Variants in PTCHD4 observed in about 807,000 individuals in gnomAD.
The protein encoded by PTCHD4 is patched domain-containing protein 4.
In PTCHD4, 33 loss-of-function variants were observed where a neutral mutation model predicts 58.1. The ratio of observed to expected loss-of-function variants is 0.57; its 90% CI spans 0.43 to 0.76. The LOEUF is 0.76. Among genes scored for constraint, PTCHD4 ranks in the 30% least tolerant of loss-of-function variants. The pLI is 0.00. For synonymous variants in PTCHD4, 478 were observed against 409.6 expected (o/e 1.17, Z -2.02); for missense variants, 1,058 against 1,027.1 (o/e 1.03, Z -0.41).
intron 4 of PTCHD4, among the ~76,000 whole-genome samples, chr6:47,909,560 A>G (rs543998353): frequency 1.3e-5 from 2 of 152,044 alleles, no homozygotes; most frequent in African/African-American, 4.8e-5. Flanking sequence ...CGGTCCTTCT[A>G]TCTTGGCCTC....
intron 3 of PTCHD4, among the ~76,000 whole-genome samples, chr6:48,027,903 A>G (rs1763301220): frequency 6.6e-6 from 1 of 152,084 alleles, no homozygotes; most frequent in Admixed American, 6.6e-5. Context: ...TAACGTATAT[A>G]AAAAGCAGGC....
intron 4 of PTCHD4, among the ~76,000 whole-genome samples, chr6:47,999,805 C>G (rs1251728646): frequency 6.6e-6 from 1 of 152,102 alleles, no homozygotes; most frequent in Non-Finnish European, 1.5e-5. Flanking sequence ...CAGACTCCAA[C>G]CTAAAACAAT....
intron 3 of PTCHD4, among the ~76,000 whole-genome samples, chr6:48,033,038 A>G (rs539493966): frequency 1.6e-3 from 240 of 152,162 alleles, no homozygotes; most frequent in African/African-American, 5.7e-3. Context: ...TATTTTTTTT[A>G]GAATTGTGTG....
intron 3 of PTCHD4, among the ~76,000 whole-genome samples, chr6:48,039,427 C>T (rs573980268): frequency 7.9e-5 from 12 of 152,112 alleles, no homozygotes; most frequent in Middle Eastern, 6.8e-3. Context: ...AGTCATACTT[C>T]CTTGGTTATT....
chr6:48,029,716 C>A (rs181119894), intron 3 of PTCHD4, among the ~76,000 whole-genome samples: 1 of 152,082 alleles, frequency 6.6e-6, no homozygotes, highest in East Asian at 1.9e-4. Flanking sequence ...CAGTTATTTG[C>A]ATAAGTTCAA....
At chr6:48,046,392 T>C (rs1764039459) in intron 3 of PTCHD4, among the ~76,000 whole-genome samples, 1 of 151,844 alleles carries the variant, frequency 6.6e-6, no homozygotes, top group African/African-American at 2.4e-5. Flanking sequence ...CAGTCTCCTC[T>C]TAATAGGATT....
intron 3 of PTCHD4, among the ~76,000 whole-genome samples, chr6:48,032,354 C>T (rs997667942): frequency 1.3e-5 from 2 of 152,024 alleles, no homozygotes; most frequent in Non-Finnish European, 2.9e-5. Context: ...TTATTCAAGG[C>T]CACATGAGTC....
At chr6:48,044,438 C>T (rs529297470) in intron 3 of PTCHD4, among the ~76,000 whole-genome samples, 1 of 151,972 alleles carries the variant, frequency 6.6e-6, no homozygotes, top group South Asian at 2.1e-4. Context: ...AGAAAGAAAA[C>T]AGATTTACAG....
chr6:47,920,703 G>T (rs1765403752), intron 4 of PTCHD4, among the ~76,000 whole-genome samples: 1 of 152,086 alleles, frequency 6.6e-6, no homozygotes, highest in South Asian at 2.1e-4. Flanking sequence ...AATTATATTA[G>T]AGAAGAATAT....
At chr6:48,063,258 A>G (rs1764693102) in intron 3 of PTCHD4, among the ~76,000 whole-genome samples, 1 of 152,148 alleles carries the variant, frequency 6.6e-6, no homozygotes, top group African/African-American at 2.4e-5. Flanking sequence ...CCAGTGAAGA[A>G]TTTGCTAAAC....
intron 4 of PTCHD4, among the ~76,000 whole-genome samples, chr6:47,959,823 C>T (rs368957077): frequency 1.7e-4 from 25 of 144,820 alleles, no homozygotes; most frequent in Middle Eastern, 3.8e-3. Flanking sequence ...ATATCAAAGA[C>T]GAAGAGGAAA....
Position 47,878,910 on chromosome 6 carries a change from G to C in PTCHD4, c.1925C>G (p.Pro642Arg). The part of the protein sequence containing the change: ...SKSIRFIVFN[P>R]SFVFMDHYSL... ...GTAATGGTCCATGAAGACAAAGGAG[G>C]GGTTGAACACGATGAATCGGATGCT... Residue 642 changes from proline to arginine, a missense_variant, in exon 5 of 5, where the codon CCC becomes CGC. Pro to Arg is a moderately radical substitution (Grantham distance 103). Coordinates refer to ENST00000339488, the MANE Select transcript of PTCHD4 (RefSeq NM_001384253.1). 6.2e-7 allele frequency: 1 copy of C among 1,613,464 alleles called. No homozygotes were observed. Among genetic ancestry groups the C allele is most frequent in the South Asian group, 1.1e-5 (1 of 91,076 alleles).
intron 4 of PTCHD4, among the ~76,000 whole-genome samples, chr6:47,919,726 G>T (rs1006274413): frequency 1.3e-5 from 2 of 152,068 alleles, no homozygotes; most frequent in Non-Finnish European, 2.9e-5. Flanking sequence ...ACAGGGCAGT[G>T]TTAGGCTGTG....
At chr6:47,880,997 C>T (rs985179155) in intron 4 of PTCHD4, among the ~76,000 whole-genome samples, 1 of 152,136 alleles carries the variant, frequency 6.6e-6, no homozygotes, top group Non-Finnish European at 1.5e-5. Context: ...TGGAAATCTT[C>T]ATAGATCACT....
intron 3 of PTCHD4, among the ~76,000 whole-genome samples, chr6:48,018,427 A>G (rs555888380): frequency 3.9e-4 from 59 of 152,356 alleles, no homozygotes; most frequent in Admixed American, 1.3e-3. Flanking sequence ...ATAAAAAGGA[A>G]GGGAAAACAC....
At chr6:47,932,384 A>T (rs1765853739) in intron 4 of PTCHD4, among the ~76,000 whole-genome samples, 1 of 152,216 alleles carries the variant, frequency 6.6e-6, no homozygotes, top group East Asian at 1.9e-4. Context: ...TGGGGGCTAG[A>T]GGTGGAAAAA....
At position 48,068,537 on chromosome 6, in the gene PTCHD4, C is replaced by T. The variant is rs777537625; in HGVS notation, c.110G>A (p.Arg37Gln). Residue 37 changes from arginine (R) to glutamine (Q), a missense_variant, in exon 3 of 5, where the codon CGG (arginine) becomes CAG (glutamine). Physicochemically the swap from Arg to Gln is conservative, Grantham distance 43 (BLOSUM62 1). Coordinates refer to ENST00000339488, the MANE Select transcript of PTCHD4 (RefSeq NM_001384253.1). The surrounding 1 kb of genome is among the most constrained non-coding windows in gnomAD (Gnocchi z 4.2). ...CACGGTGAGGAAAAAGACCGGGTGCCGGCTCACGCACAAACCCAGCCTGTG... is the reference window on the plus strand; with the variant it reads ...CACGGTGAGGAAAAAGACCGGGTGCTGGCTCACGCACAAACCCAGCCTGTG... ...FCHRLGLCVS[R>Q]HPVFFLTVPA... The T allele has an allele frequency of 6.2e-7, 1 of 1,609,272 alleles. No homozygotes were observed. The highest frequency in any genetic ancestry group is 8.5e-7 in the Non-Finnish European group (1 of 1,179,124).
intron 4 of PTCHD4, among the ~76,000 whole-genome samples, chr6:47,881,188 G>A (rs1326275392): frequency 6.6e-6 from 1 of 152,138 alleles, no homozygotes; most frequent in Non-Finnish European, 1.5e-5. Context: ...ATTGGAGTTA[G>A]GTGTTACAAA....
At chr6:47,941,078 A>G (rs1162883664) in intron 4 of PTCHD4, among the ~76,000 whole-genome samples, 2 of 152,160 alleles carry the variant, frequency 1.3e-5, no homozygotes, top group Non-Finnish European at 2.9e-5. Flanking sequence ...ACTGTTGGCA[A>G]CTCAGCCCGC....
Sources: gnomAD v4.1 joint callset for allele counts (sites outside exome capture counted in the v4.1 genomes callset) on GRCh38, gnomAD v4.1.1 for gene constraint, Gnocchi (gnomAD v3.1) non-coding constraint, MANE v1.5 for transcripts, NCBI Gene and HGNC (gene_info 2026-07-23, HGNC 2026-07-21) for gene names.